Variants in MAPKAP1 observed in about 807,000 individuals in gnomAD.
MAPKAP1 encodes MAPK associated protein 1.
MAPKAP1 carries 20 observed loss-of-function variants against 65.7 expected under a neutral mutation model. The ratio of observed to expected loss-of-function variants is 0.30; its 90% CI spans 0.21 to 0.44. MAPKAP1 has a LOEUF of 0.44. Among genes scored for constraint, MAPKAP1 ranks in the 20% least tolerant of loss-of-function variants. The pLI is 1.00. For missense variants in MAPKAP1, 423 were observed against 648.0 expected, an observed-to-expected ratio of 0.65 and a Z score of 3.77; for synonymous variants, 222 against 244.3, an observed-to-expected ratio of 0.91 and a Z score of 0.85.
intron 6 of MAPKAP1, among the ~76,000 whole-genome samples, chr9:125,546,493 A>G (rs1015511579): frequency 1.3e-5 from 2 of 152,184 alleles, no homozygotes; most frequent in African/African-American, 4.8e-5. Flanking sequence ...TCTAGGTGCA[A>G]GTGTTAAGTT....
intron 4 of MAPKAP1, among the ~76,000 whole-genome samples, chr9:125,636,089 G>A (rs1360129237): frequency 6.6e-6 from 1 of 152,160 alleles, no homozygotes; most frequent in Non-Finnish European, 1.5e-5. Flanking sequence ...ACGGCTCCAG[G>A]GCAGAGACCA....
rs1207584348 is a variant in MAPKAP1 at position 125,693,530 on chromosome 9, TATACACACAC to T, written c.-70+13431_-70+13440del. ...ACACATACACACACATATATACACATATACACACACATATATACATATACACACACATATA... is the reference window on the plus strand; with the variant it reads ...ACACATACACACACATATATACACATATATATACATATACACACACATATA... On this transcript the variant is annotated intron_variant, in intron 1 of 11. Coordinates refer to ENST00000265960, the MANE Select transcript of MAPKAP1 (RefSeq NM_001006617.3). 4.2e-3 allele frequency among the ~76,000 whole-genome samples: 409 copies of T among 96,968 alleles called. 4 individuals carry two copies. Among genetic ancestry groups the T allele is most frequent in the African/African-American group, 0.024 (386 of 15,972 alleles). The allele number at this position is 96,968 out of a possible 152,430, so 63.6% of individuals were successfully genotyped here. A position where few individuals can be genotyped will look rare whatever the true frequency, so the allele number is the denominator to read the frequency against.
chr9:125,596,037 T>C (rs147121545), intron 4 of MAPKAP1: 1 of 1,420,262 alleles, frequency 7.0e-7, no homozygotes, highest in African/African-American at 1.4e-5. Flanking sequence ...GCGAGATTAT[T>C]TTGAACAGCG....
intron 10 of MAPKAP1, among the ~76,000 whole-genome samples, chr9:125,455,922 T>C (rs1400710678): frequency 6.6e-6 from 1 of 152,270 alleles, no homozygotes; most frequent in African/African-American, 2.4e-5. Context: ...CTTCTCATAG[T>C]GTAAGGTTTA....
At chr9:125,640,161 T>C (rs994318802) in intron 4 of MAPKAP1, among the ~76,000 whole-genome samples, 10 of 152,120 alleles carry the variant, frequency 6.6e-5, no homozygotes, top group African/African-American at 2.2e-4. Flanking sequence ...TGGAGTGCAG[T>C]GGCACGATCT....
chr9:125,581,811 T>C (rs1401247474), intron 5 of MAPKAP1, among the ~76,000 whole-genome samples: 7 of 152,210 alleles, frequency 4.6e-5, no homozygotes, highest in East Asian at 1.9e-4. Context: ...TTTCAGCTTA[T>C]AGAATTTCAA....
chr9:125,687,613 C>CAAA (rs5900669), intron 1 of MAPKAP1, among the ~76,000 whole-genome samples: 29 of 129,604 alleles, frequency 2.2e-4, no homozygotes, highest in African/African-American at 7.0e-4. Context: ...CCCACCTATA[C>CAAA]AAAAAAAAAA....
At chr9:125,468,625 A>T (rs1853774930) in intron 9 of MAPKAP1, among the ~76,000 whole-genome samples, 1 of 152,324 alleles carries the variant, frequency 6.6e-6, no homozygotes, top group Non-Finnish European at 1.5e-5. Context: ...AAAGAATAAA[A>T]TAACTCTTCC....
At chr9:125,528,312 T>C (rs1829830932) in intron 7 of MAPKAP1, among the ~76,000 whole-genome samples, 1 of 152,206 alleles carries the variant, frequency 6.6e-6, no homozygotes, top group African/African-American at 2.4e-5. Flanking sequence ...GGCTGGAACA[T>C]GGCCTGTTTC....
At chr9:125,460,430 C>T (rs1352039494) in intron 10 of MAPKAP1, among the ~76,000 whole-genome samples, 1 of 152,098 alleles carries the variant, frequency 6.6e-6, no homozygotes, top group Non-Finnish European at 1.5e-5. Flanking sequence ...AGAAAATTTA[C>T]AGAAAATGTA....
rs148706053 is a variant in MAPKAP1, at chr9:125,610,926, G to C, written c.499-25199C>G. On this transcript the variant is annotated intron_variant, in intron 4 of 11. Transcript: ENST00000265960. ...ATCTCCAAATCACAAAACATAGAAGGCATCATGAAATAGGCCCAGAAAGAC... is the reference window on the plus strand; with the variant it reads ...ATCTCCAAATCACAAAACATAGAAGCCATCATGAAATAGGCCCAGAAAGAC... 5.3e-5 allele frequency among the ~76,000 whole-genome samples: 8 copies of C among 152,172 alleles called. No individual in the cohort carries two copies. The East Asian group carries it at 1.5e-3, about 29-fold the overall frequency.
chr9:125,703,844 G>A (rs1029942512), intron 1 of MAPKAP1, among the ~76,000 whole-genome samples: 1 of 151,402 alleles, frequency 6.6e-6, no homozygotes, highest in African/African-American at 2.4e-5. Flanking sequence ...AACTGCGTCC[G>A]TAACAGTAAG....
chr9:125,647,180 C>T (rs986810331), intron 4 of MAPKAP1, among the ~76,000 whole-genome samples: 4 of 152,176 alleles, frequency 2.6e-5, no homozygotes, highest in Non-Finnish European at 5.9e-5. Context: ...ATTTCCTAAA[C>T]TTACATGTAT....
intron 4 of MAPKAP1, among the ~76,000 whole-genome samples, chr9:125,619,125 C>T (rs755529421): frequency 6.6e-6 from 1 of 151,972 alleles, no homozygotes; most frequent in African/African-American, 2.4e-5. Context: ...AGAGTAAGAC[C>T]CTATCTCAAA....
At chr9:125,581,822 C>G (rs942845114) in intron 5 of MAPKAP1, among the ~76,000 whole-genome samples, 10 of 152,052 alleles carry the variant, frequency 6.6e-5, no homozygotes, top group Non-Finnish European at 1.2e-4. Flanking sequence ...AGAATTTCAA[C>G]TGGTCCAGGA....
intron 5 of MAPKAP1, among the ~76,000 whole-genome samples, chr9:125,573,405 C>G (rs879444263): frequency 2.6e-5 from 4 of 152,180 alleles, no homozygotes; most frequent in Non-Finnish European, 4.4e-5. Context: ...ATGGCAACAT[C>G]AGGAAGTAAC....
intron 7 of MAPKAP1, among the ~76,000 whole-genome samples, chr9:125,533,623 G>T (rs919875484): frequency 7.9e-5 from 12 of 151,992 alleles, no homozygotes; most frequent in Non-Finnish European, 1.8e-4. Context: ...GCTAATTTTT[G>T]TATTTTTAGT....
chr9:125,498,870 T>A (rs7022609), intron 8 of MAPKAP1, among the ~76,000 whole-genome samples: 13,492 of 152,182 alleles, frequency 0.089, 1,130 homozygotes, highest in African/African-American at 0.23. Context: ...CTAGCCAACA[T>A]ACATCTCCTC....
intron 3 of MAPKAP1, 43 bp downstream of exon 3, chr9:125,669,771 CTAAA>C (rs754908873): frequency 1.6e-5 from 16 of 999,398 alleles, no homozygotes; most frequent in Non-Finnish European, 2.4e-5. Flanking sequence ...ATATAATAAA[CTAAA>C]TATATAAATC....
Sources: gnomAD v4.1 joint callset for allele counts (sites outside exome capture counted in the v4.1 genomes callset) on GRCh38, gnomAD v4.1.1 for gene constraint, MANE v1.5 for transcripts, NCBI Gene and HGNC (gene_info 2026-07-23, HGNC 2026-07-21) for gene names.